ATP6V0E1: variants seen among roughly 807,000 people sequenced by gnomAD.
ATP6V0E1 encodes the protein ATPase H+ transporting V0 subunit e1, also known as V-type proton ATPase subunit e 1.
Under a neutral mutation model 11.6 loss-of-function variants are expected in ATP6V0E1, and 4 were observed. That is an observed-to-expected ratio of 0.35 (90% CI 0.17 to 0.79). The LOEUF (loss-of-function observed/expected upper bound fraction) is 0.79. ATP6V0E1 is among the 30% of genes least tolerant of loss of function. The pLI is 0.54. For synonymous variants in ATP6V0E1, 36 were observed against 34.8 expected (o/e 1.04, Z -0.13); for missense variants, 105 against 100.0 (o/e 1.05, Z -0.21).
chr5:173,010,809 G>A (rs1054497906), intron 2 of ATP6V0E1, among the ~76,000 whole-genome samples: 10 of 152,270 alleles, frequency 6.6e-5, no homozygotes, highest in Admixed American at 2.6e-4. Context: ...CTCCATCTGC[G>A]TGTCACCGGG....
intron 2 of ATP6V0E1, among the ~76,000 whole-genome samples, chr5:173,010,620 C>T (rs577314934): frequency 6.6e-6 from 1 of 152,270 alleles, no homozygotes; most frequent in South Asian, 2.1e-4. Flanking sequence ...TTTTATCATT[C>T]AGTTGAGATG....
At chr5:173,007,933 G>A (rs1017926605) in intron 2 of ATP6V0E1, among the ~76,000 whole-genome samples, 3 of 152,312 alleles carry the variant, frequency 2.0e-5, no homozygotes, top group South Asian at 2.1e-4. Flanking sequence ...CATGTATGCC[G>A]GGCAGGGGCT....
At chr5:172,986,109 G>C (rs1313118978) in intron 1 of ATP6V0E1, among the ~76,000 whole-genome samples, 2 of 152,170 alleles carry the variant, frequency 1.3e-5, no homozygotes, top group African/African-American at 4.8e-5. Context: ...GAGCTTGCAG[G>C]ACTGGAAATT....
Sources: gnomAD v4.1 joint callset for allele counts (sites outside exome capture counted in the v4.1 genomes callset) on GRCh38, gnomAD v4.1.1 for gene constraint, MANE v1.5 for transcripts, NCBI Gene and HGNC (gene_info 2026-07-23, HGNC 2026-07-21) for gene names.